OSBPL10: variants seen among roughly 807,000 people sequenced by gnomAD.
The protein encoded by OSBPL10 is oxysterol binding protein like 10.
In OSBPL10, 49 loss-of-function variants were observed where a neutral mutation model predicts 81.7. The observed-to-expected ratio is 0.60, with a 90% CI of 0.48 to 0.76. OSBPL10 has a LOEUF of 0.76. Among genes scored for constraint, OSBPL10 ranks in the 30% least tolerant of loss-of-function variants. The pLI is 0.00. For missense variants in OSBPL10, 923 were observed against 987.8 expected (o/e 0.93, Z 0.88); for synonymous variants, 419 against 383.6 (o/e 1.09, Z -1.08).
At chr3:31,767,733 C>T (rs1244628283) in intron 4 of OSBPL10, among the ~76,000 whole-genome samples, 1 of 152,200 alleles carries the variant, frequency 6.6e-6, no homozygotes, top group Non-Finnish European at 1.5e-5. Flanking sequence ...CCACTGAATG[C>T]ACCCTTCAGG....
intron 2 of OSBPL10, among the ~76,000 whole-genome samples, chr3:31,878,767 T>C (rs931005241): frequency 5.3e-5 from 8 of 151,980 alleles, no homozygotes; most frequent in Non-Finnish European, 7.4e-5. Context: ...ACTTAATACA[T>C]ACTACTTTTC....
intron 3 of OSBPL10, among the ~76,000 whole-genome samples, chr3:31,833,482 C>T (rs1316562965): frequency 6.6e-6 from 1 of 152,146 alleles, no homozygotes; most frequent in Admixed American, 6.5e-5. Flanking sequence ...GCTGCATGGA[C>T]AAAGTTTGTT....
intron 6 of OSBPL10, among the ~76,000 whole-genome samples, chr3:31,708,440 T>A (rs1203259438): frequency 6.6e-6 from 1 of 152,158 alleles, no homozygotes; most frequent in African/African-American, 2.4e-5. Context: ...CAGGCAAAGG[T>A]CATGAAAACT....
chr3:32,062,930 A>G (rs1383715885), intron 1 of OSBPL10, among the ~76,000 whole-genome samples: 1 of 94,076 alleles, frequency 1.1e-5, no homozygotes, highest in African/African-American at 2.7e-5. Flanking sequence ...TCCTTTTTCC[A>G]CTACTTCTTA....
chr3:31,788,650 C>T (rs1276914378), intron 4 of OSBPL10, among the ~76,000 whole-genome samples: 4 of 152,084 alleles, frequency 2.6e-5, no homozygotes, highest in Non-Finnish European at 5.9e-5. Context: ...TGGTGGTGTA[C>T]ACCTGTAGTT....
rs1699764071 is a variant in OSBPL10 at position 32,064,090 on chromosome 3, A to G, written n.185+13306T>C. The G allele has an allele frequency of 3.2e-5, 3 of 92,466 alleles. 1 individual carries two copies. Among genetic ancestry groups the G allele is most frequent in the Non-Finnish European group, 8.7e-5 (3 of 34,526 alleles). 5.7% of individuals were successfully genotyped at this position (92,466 alleles called of 1,614,324 possible). On this transcript the variant is annotated intron_variant and non_coding_transcript_variant, in intron 1 of 3. Transcript: ENST00000479173. The stretch of plus-strand genomic sequence containing the variant: ...GCAATCCTCCCACCTCAGCCTCCCT[A>G]GTAGCTGGACCACAGGCATGAGCCA...
At chr3:31,861,393 G>A (rs903497035) in intron 3 of OSBPL10, among the ~76,000 whole-genome samples, 3 of 152,102 alleles carry the variant, frequency 2.0e-5, no homozygotes, top group Non-Finnish European at 4.4e-5. Context: ...CAATGTAAAT[G>A]CTATGTAAAC....
At chr3:31,726,176 G>T (rs548087503) in intron 6 of OSBPL10, among the ~76,000 whole-genome samples, 2 of 152,150 alleles carry the variant, frequency 1.3e-5, no homozygotes, top group Admixed American at 1.3e-4. Flanking sequence ...AGCCGGGGAG[G>T]GTGACTCATG....
At chr3:31,686,085 C>T (rs918592240) in intron 7 of OSBPL10, among the ~76,000 whole-genome samples, 1 of 151,184 alleles carries the variant, frequency 6.6e-6, no homozygotes, top group African/African-American at 2.4e-5. Context: ...CCTTGTGCTT[C>T]CCACATGATC....
intron 1 of OSBPL10, among the ~76,000 whole-genome samples, chr3:31,882,434 G>A (rs1027777469): frequency 6.6e-6 from 1 of 152,276 alleles, no homozygotes; most frequent in African/African-American, 2.4e-5. Context: ...TGTTAGAAAT[G>A]GAAAATCTTG....
chr3:32,048,464 T>C (rs918687153), intron 1 of OSBPL10, among the ~76,000 whole-genome samples: 2 of 152,102 alleles, frequency 1.3e-5, no homozygotes, highest in Non-Finnish European at 2.9e-5. Context: ...TACGCCACCA[T>C]GCCCGGCTAA....
chr3:31,815,216 C>T (rs564464789), intron 4 of OSBPL10, among the ~76,000 whole-genome samples: 6 of 149,542 alleles, frequency 4.0e-5, no homozygotes, highest in Admixed American at 2.0e-4. Flanking sequence ...CCTGCCAGCC[C>T]CTGGCTTGCT....
chr3:31,678,781 A>AGTGTGTGTGTGTGTGT (rs1559411581), intron 8 of OSBPL10, among the ~76,000 whole-genome samples: 16 of 99,210 alleles, frequency 1.6e-4, no homozygotes, highest in African/African-American at 6.3e-4. Context: ...ACAGATTCAA[A>AGTGTGTGTGTGTGTGT]CTGTGTGTGT....
intron 4 of OSBPL10, among the ~76,000 whole-genome samples, chr3:31,759,801 C>T (rs1055694000): frequency 2.0e-5 from 3 of 152,074 alleles, no homozygotes; most frequent in African/African-American, 7.2e-5. Context: ...ACTCTGTCAC[C>T]CAGGCTGGAG....
At chr3:31,892,153 G>C (rs947231971) in intron 1 of OSBPL10, among the ~76,000 whole-genome samples, 2 of 151,854 alleles carry the variant, frequency 1.3e-5, no homozygotes. Flanking sequence ...AAATGGACTC[G>C]GGGAAGAGGA....
intron 1 of OSBPL10, among the ~76,000 whole-genome samples, chr3:31,950,651 T>C (rs1391052884): frequency 6.6e-6 from 1 of 152,186 alleles, no homozygotes; most frequent in Non-Finnish European, 1.5e-5. Context: ...TCCCCAATGT[T>C]GGAGGTGGAG....
intron 3 of OSBPL10, among the ~76,000 whole-genome samples, chr3:31,870,180 A>G (rs1266230638): frequency 6.6e-6 from 1 of 152,228 alleles, no homozygotes; most frequent in Non-Finnish European, 1.5e-5. Flanking sequence ...CTGGAGTTCC[A>G]GGTGGGCGTG....
chr3:31,849,694 A>T (rs1437210034), intron 3 of OSBPL10, among the ~76,000 whole-genome samples: 1 of 152,240 alleles, frequency 6.6e-6, no homozygotes, highest in African/African-American at 2.4e-5. Context: ...CAGCCATTTT[A>T]AATGACAGAT....
intron 1 of OSBPL10, among the ~76,000 whole-genome samples, chr3:31,893,018 G>A (rs1469025933): frequency 6.6e-6 from 1 of 152,158 alleles, no homozygotes; most frequent in Non-Finnish European, 1.5e-5. Flanking sequence ...CCTATGCTCA[G>A]GCACAGGGAA....
Sources: gnomAD v4.1 joint callset for allele counts (sites outside exome capture counted in the v4.1 genomes callset) on GRCh38, gnomAD v4.1.1 for gene constraint, MANE v1.5 for transcripts, NCBI Gene and HGNC (gene_info 2026-07-23, HGNC 2026-07-21) for gene names.